ACER3: variants seen among roughly 807,000 people sequenced by gnomAD.
ACER3 encodes the protein alkaline ceramidase 3.
In ACER3, 16 loss-of-function variants were observed where a neutral mutation model predicts 48.9. The observed-to-expected ratio is 0.33, with a 90% CI of 0.22 to 0.50. The LOEUF (loss-of-function observed/expected upper bound fraction) is 0.50, where lower values mean the gene tolerates loss of function less well. Among genes scored for constraint, ACER3 ranks in the 20% least tolerant of loss-of-function variants. ACER3 has a pLI of 0.98. For synonymous variants in ACER3, 109 were observed against 107.8 expected, an observed-to-expected ratio of 1.01 and a Z score of -0.07; for missense variants, 227 against 326.0, an observed-to-expected ratio of 0.70 and a Z score of 2.34.
At chr11:76,920,653 AACAG>A (rs1187966293) in intron 1 of ACER3, among the ~76,000 whole-genome samples, 4 of 99,472 alleles carry the variant, frequency 4.0e-5, no homozygotes, top group African/African-American at 1.2e-4. Context: ...TTTTTTTTTT[AACAG>A]ACAGAGTCTT....
chr11:76,994,240 A>G (rs773607345), intron 6 of ACER3: 1 of 451,358 alleles, frequency 2.2e-6, no homozygotes, highest in South Asian at 1.6e-5. Flanking sequence ...CGTTATTCTT[A>G]TGCCTCAGCC....
chr11:76,878,591 C>A (rs887147307), intron 1 of ACER3, among the ~76,000 whole-genome samples: 1 of 152,016 alleles, frequency 6.6e-6, no homozygotes, highest in Non-Finnish European at 1.5e-5. Flanking sequence ...TGACAGATAC[C>A]TGGGCTGTTC....
chr11:76,966,002 A>G (rs1181011758), intron 3 of ACER3, among the ~76,000 whole-genome samples: 3 of 151,298 alleles, frequency 2.0e-5, no homozygotes, highest in Non-Finnish European at 4.4e-5. Context: ...CAATTAAAAG[A>G]CACAGGCTGG....
At chr11:76,996,791 T>TCTTA (rs1948922162) in intron 6 of ACER3, among the ~76,000 whole-genome samples, 1 of 148,132 alleles carries the variant, frequency 6.8e-6, no homozygotes, top group African/African-American at 2.5e-5. Context: ...AGTGGTGCAA[T>TCTTA]CTTAGCTCAC....
chr11:76,969,353 T>C (rs1948229778), intron 3 of ACER3, among the ~76,000 whole-genome samples: 1 of 152,144 alleles, frequency 6.6e-6, no homozygotes, highest in Non-Finnish European at 1.5e-5. Context: ...GGTGGGACTG[T>C]AAACTAGTTC....
intron 1 of ACER3, among the ~76,000 whole-genome samples, chr11:76,908,834 CA>C (rs1439156978): frequency 6.6e-6 from 1 of 152,038 alleles, no homozygotes; most frequent in Non-Finnish European, 1.5e-5. Context: ...GCAAAAAGAA[CA>C]AAGCTGGAGG....
intron 2 of ACER3, among the ~76,000 whole-genome samples, chr11:76,927,566 C>T (rs1396914793): frequency 1.3e-5 from 2 of 152,004 alleles, no homozygotes; most frequent in East Asian, 1.9e-4. Flanking sequence ...CCCATTAACT[C>T]GTCATTTACA....
At chr11:76,962,280 T>G (rs1948016666) in intron 3 of ACER3, among the ~76,000 whole-genome samples, 2 of 144,426 alleles carry the variant, frequency 1.4e-5, no homozygotes, top group Non-Finnish European at 3.0e-5. Context: ...TGGAATGTAG[T>G]GTGATCTCGG....
chr11:76,925,294 A>G (rs2134805747), intron 1 of ACER3, among the ~76,000 whole-genome samples: 1 of 152,162 alleles, frequency 6.6e-6, no homozygotes, highest in East Asian at 1.9e-4. Flanking sequence ...ACTTGTAAAT[A>G]TATATGGTTA....
intron 6 of ACER3, among the ~76,000 whole-genome samples, chr11:76,997,507 A>G (rs571763641): frequency 3.5e-4 from 54 of 152,294 alleles, no homozygotes; most frequent in African/African-American, 1.2e-3. Flanking sequence ...ATCTAATACT[A>G]TGTTTACTCA....
chr11:76,995,126 A>G (rs2135245174), intron 6 of ACER3, among the ~76,000 whole-genome samples: 1 of 152,334 alleles, frequency 6.6e-6, no homozygotes, highest in African/African-American at 2.4e-5. Context: ...CATACATGCT[A>G]GAAGGTGATA....
At chr11:76,937,740 G>C (rs1947229291) in intron 2 of ACER3, among the ~76,000 whole-genome samples, 3 of 152,154 alleles carry the variant, frequency 2.0e-5, no homozygotes, top group Admixed American at 1.3e-4. Flanking sequence ...AGATAGAGGA[G>C]AGAGTGACAC....
At position 77,026,479 on chromosome 11, in the gene ACER3, T is replaced by C. The variant is rs1949551364; in HGVS notation, c.*6152T>C. Reference sequence around the variant, plus strand: ...ATACTTGTAATATTTCTGAGTCACTTATTAATGTGACCAACAGATAAACTG... The same window carrying C: ...ATACTTGTAATATTTCTGAGTCACTCATTAATGTGACCAACAGATAAACTG... On this transcript the variant is annotated 3_prime_UTR_variant, in exon 11 of 11. Transcript: ENST00000532485. 6.6e-6 allele frequency: 1 copy of C among 152,222 alleles called. No individual in the cohort carries two copies. The highest frequency in any genetic ancestry group is 1.5e-5 in the Non-Finnish European group (1 of 68,044). 9.4% of individuals were successfully genotyped at this position (152,222 alleles called of 1,614,324 possible).
intron 7 of ACER3, among the ~76,000 whole-genome samples, chr11:77,008,787 G>A (rs1565226108): frequency 6.6e-6 from 1 of 152,140 alleles, no homozygotes; most frequent in East Asian, 1.9e-4. Flanking sequence ...TGGGCATGGT[G>A]ACTCATCCCT....
intron 3 of ACER3, 147 bp from the exon 4 acceptor site, chr11:76,976,142 C>A: frequency 1.6e-6 from 1 of 634,580 alleles, no homozygotes; most frequent in Non-Finnish European, 2.7e-6. Context: ...CAACCTTGGC[C>A]TCCCAGAGTG....
At chr11:76,970,194 A>G (rs1443696492) in intron 3 of ACER3, among the ~76,000 whole-genome samples, 1 of 152,120 alleles carries the variant, frequency 6.6e-6, no homozygotes, top group Non-Finnish European at 1.5e-5. Flanking sequence ...TCCTTTCCCC[A>G]TCATGGCTAA....
intron 1 of ACER3, among the ~76,000 whole-genome samples, chr11:76,863,806 A>G (rs1239339706): frequency 1.3e-5 from 2 of 152,326 alleles, no homozygotes; most frequent in South Asian, 4.1e-4. Flanking sequence ...TTTCAAAGAT[A>G]AGGAGATTGA....
chr11:76,884,518 T>C (rs1018790947), intron 1 of ACER3, among the ~76,000 whole-genome samples: 3 of 152,194 alleles, frequency 2.0e-5, no homozygotes, highest in Non-Finnish European at 4.4e-5. Flanking sequence ...ATCAAGCCCA[T>C]TGTGATGTTA....
At position 76,989,258 on chromosome 11, in the gene ACER3, G is replaced by GTT. The variant is rs568267250; in HGVS notation, c.403-1270_403-1269dup. 2.1e-3 allele frequency among the ~76,000 whole-genome samples: 293 copies of GTT among 142,244 alleles called. 1 individual carries two copies. Among genetic ancestry groups the GTT allele is most frequent in the African/African-American group, 7.1e-3 (280 of 39,208 alleles). The allele number at this position is 142,244 out of a possible 152,430, so 93.3% of individuals were successfully genotyped here. A position where few individuals can be genotyped will look rare whatever the true frequency, so the allele number is the denominator to read the frequency against. On this transcript the variant is annotated intron_variant, in intron 5 of 10. Coordinates refer to ENST00000532485, the MANE Select transcript of ACER3 (RefSeq NM_018367.7). ...GCTTAAAGGAAATAATCTGGGTTTG[G>GTT]TTTTTTTTTTTTGTACTGAGGGTAG...
Sources: gnomAD v4.1 joint callset for allele counts (sites outside exome capture counted in the v4.1 genomes callset) on GRCh38, gnomAD v4.1.1 for gene constraint, MANE v1.5 for transcripts, NCBI Gene and HGNC (gene_info 2026-07-23, HGNC 2026-07-21) for gene names.